Variants in BANP observed in about 807,000 individuals in gnomAD.
BANP encodes the protein BTG3 associated nuclear protein, also known as protein BANP.
In BANP, 11 loss-of-function variants were observed where a neutral mutation model predicts 68.1. That is an observed-to-expected ratio of 0.16 (90% CI 0.10 to 0.27). The LOEUF is 0.27. BANP is among the 10% of genes least tolerant of loss of function. The pLI is 1.00. For missense variants in BANP, 504 were observed against 722.7 expected, an observed-to-expected ratio of 0.70 and a Z score of 3.47; for synonymous variants, 329 against 303.2, an observed-to-expected ratio of 1.09 and a Z score of -0.88.
Position 88,004,758 on chromosome 16 carries a change from T to C in BANP, c.479+347T>C, listed in dbSNP as rs2152559870. ...TCCTCACGTCTGTCTGTGCAGAGCG[T>C]GTCAGGCAAACAGACGCCCTCTCCC... is the stretch of plus-strand genomic sequence containing the variant. On this transcript the variant is annotated intron_variant, in intron 5 of 13. Transcript: ENST00000682872. This position sits in a 1 kb window ranked among gnomAD's most constrained non-coding sequence, Gnocchi z 7.0. Among the ~76,000 whole-genome samples, 1 of 152,356 alleles carries C rather than the reference T, an allele frequency of 6.6e-6. No homozygotes were observed. The highest frequency in any genetic ancestry group is 2.1e-4 in the South Asian group (1 of 4,822).
Position 88,003,733 on chromosome 16 carries a change from T to C in BANP, c.363-562T>C, listed in dbSNP as rs576413151. 180 of 336,934 alleles carry C rather than the reference T, an allele frequency of 5.3e-4. 4 individuals carry two copies. Among genetic ancestry groups the C allele is most frequent in the South Asian group, 4.2e-3 (179 of 43,074 alleles). The allele number at this position is 336,934 out of a possible 1,614,324, so 20.9% of individuals were successfully genotyped here. A position where few individuals can be genotyped will look rare whatever the true frequency, so the allele number is the denominator to read the frequency against. ...GAGCCCTTTGGTTGTAGCTCACACA[T>C]GTTCCTGCAGGACCTGGAGGCAGCA... On this transcript the variant is annotated intron_variant, in intron 4 of 13. Transcript: ENST00000682872. The surrounding 1 kb of genome is among the most constrained non-coding windows in gnomAD (Gnocchi z 6.1).
intron 6 of BANP, among the ~76,000 whole-genome samples, chr16:88,010,990 T>G (rs573282897): frequency 6.6e-6 from 1 of 152,378 alleles, no homozygotes; most frequent in South Asian, 2.1e-4. Flanking sequence ...AGGAAACATT[T>G]TTTCATGGCA....
intron 1 of BANP, among the ~76,000 whole-genome samples, chr16:87,962,940 T>A (rs1017900709): frequency 6.6e-6 from 1 of 152,250 alleles, no homozygotes; most frequent in Non-Finnish European, 1.5e-5. Flanking sequence ...TCATCCTGCC[T>A]TTCTCATTAT....
At chr16:88,005,775 A>C (rs1406961659) in intron 5 of BANP, among the ~76,000 whole-genome samples, 2 of 152,260 alleles carry the variant, frequency 1.3e-5, no homozygotes, top group Admixed American at 1.3e-4. Context: ...GACTCTTACC[A>C]GCATTTTATG....
chr16:87,990,966 GT>G (rs2065759661), intron 4 of BANP, among the ~76,000 whole-genome samples: 1 of 152,166 alleles, frequency 6.6e-6, no homozygotes, highest in Admixed American at 6.5e-5. Flanking sequence ...GTTTCACCGT[GT>G]TAGCCAGGAT....
intron 6 of BANP, 78 bp downstream of exon 6, chr16:88,006,343 T>C (rs1389266913): frequency 4.7e-6 from 7 of 1,500,022 alleles, no homozygotes; most frequent in Non-Finnish European, 6.2e-6. Flanking sequence ...AATTTTGTTG[T>C]TTTTTAAAGA....
At chr16:88,035,965 G>T (rs777092097) in intron 10 of BANP, among the ~76,000 whole-genome samples, 1 of 152,244 alleles carries the variant, frequency 6.6e-6, no homozygotes, top group Non-Finnish European at 1.5e-5. Flanking sequence ...AGAAGTGCGG[G>T]CTCAGCTGCT....
chr16:87,972,796 C>A (rs1395765458), intron 1 of BANP, among the ~76,000 whole-genome samples: 15 of 152,190 alleles, frequency 9.9e-5, no homozygotes, highest in Non-Finnish European at 1.6e-4. Flanking sequence ...ATTTTGTGTT[C>A]AGTTCCAAGC....
At chr16:87,999,413 TCCAGACAC>T (rs2068456437) in intron 4 of BANP, among the ~76,000 whole-genome samples, 7 of 103,842 alleles carry the variant, frequency 6.7e-5, no homozygotes, top group Admixed American at 9.2e-5. Context: ...TACCTGTCCT[TCCAGACAC>T]CCAGACACGT....
Position 88,071,754 on chromosome 16 carries a change from T to G in BANP, c.1378-315T>G. On this transcript the variant is annotated intron_variant, in intron 12 of 13. Transcript: ENST00000682872. The surrounding 1 kb of genome is among the most constrained non-coding windows in gnomAD (Gnocchi z 6.5). ...TTCCAGGAGGCTCTGTGGCATTTGCTGTTGCTCTCTTTTTCTGTGGAAGCT... is the reference window on the plus strand; with the variant it reads ...TTCCAGGAGGCTCTGTGGCATTTGCGGTTGCTCTCTTTTTCTGTGGAAGCT... 1 of 595,560 alleles carries G rather than the reference T, an allele frequency of 1.7e-6. No homozygotes were observed. Among genetic ancestry groups the G allele is most frequent in the Non-Finnish European group, 3.2e-6 (1 of 316,734 alleles). The allele number at this position is 595,560 out of a possible 1,614,324, so 36.9% of individuals were successfully genotyped here.
chr16:87,980,828 T>G, intron 2 of BANP: 1 of 546,230 alleles, frequency 1.8e-6, no homozygotes, highest in African/African-American at 1.9e-5. Context: ...GCACATTAAT[T>G]GCCCAGTGTC....
At chr16:88,065,152 C>T in intron 11 of BANP, 115 bp from the exon 12 acceptor site, 1 of 589,436 alleles carries the variant, frequency 1.7e-6, no homozygotes, top group South Asian at 2.0e-5. Context: ...GACCACAGAC[C>T]CCGTGGCTTT....
At chr16:88,044,124 T>C (rs1830949076) in intron 11 of BANP, among the ~76,000 whole-genome samples, 1 of 152,248 alleles carries the variant, frequency 6.6e-6, no homozygotes, top group Admixed American at 6.5e-5. Flanking sequence ...GCCAGTGCTG[T>C]GTGACCTGGG....
chr16:88,018,798 C>T lies in BANP; in HGVS notation c.895+131C>T. On this transcript the variant is annotated intron_variant, in intron 7 of 13. Transcript: ENST00000682872. This position sits in a 1 kb window ranked among gnomAD's most constrained non-coding sequence, Gnocchi z 7.7. Reference sequence around the variant, plus strand: ...CGTTTCTCCAGGCGGTTTGAAATCTCAGCCCGAGGATCAGTGCTCGAGGGG... The same window carrying T: ...CGTTTCTCCAGGCGGTTTGAAATCTTAGCCCGAGGATCAGTGCTCGAGGGG... 1 of 1,233,840 alleles carries T rather than the reference C, an allele frequency of 8.1e-7. No homozygotes were observed. Among genetic ancestry groups the T allele is most frequent in the South Asian group, 1.6e-5 (1 of 64,142 alleles). 76.4% of individuals were successfully genotyped at this position (1,233,840 alleles called of 1,614,324 possible).
chr16:87,982,628 C>G (rs917217319), intron 3 of BANP: 4 of 152,220 alleles, frequency 2.6e-5, no homozygotes, highest in African/African-American at 4.8e-5. Context: ...CTCTCTCACA[C>G]GCGCCTTCAA....
At chr16:87,977,996 C>T (rs561270728) in intron 2 of BANP, among the ~76,000 whole-genome samples, 136 of 152,208 alleles carry the variant, frequency 8.9e-4, no homozygotes, top group African/African-American at 3.0e-3. Context: ...CCACCATGCC[C>T]GGCTAATTTT....
chr16:88,025,772 A>G (rs1262109505), intron 7 of BANP, among the ~76,000 whole-genome samples: 1 of 152,228 alleles, frequency 6.6e-6, no homozygotes, highest in East Asian at 1.9e-4. Flanking sequence ...CTCAATGGGA[A>G]CAGATTTTTA....
intron 11 of BANP, among the ~76,000 whole-genome samples, chr16:88,056,193 G>A (rs1309852833): frequency 1.3e-5 from 2 of 152,244 alleles, no homozygotes; most frequent in Non-Finnish European, 2.9e-5. Context: ...GCAGCAGAGT[G>A]TTCTGAGAGT....
chr16:88,026,460 G>C (rs895292957), intron 7 of BANP, among the ~76,000 whole-genome samples: 36 of 152,202 alleles, frequency 2.4e-4, no homozygotes, highest in Non-Finnish European at 4.4e-5. Flanking sequence ...GAATGTTCTG[G>C]GTGCCTGACC....
Sources: gnomAD v4.1 joint callset for allele counts (sites outside exome capture counted in the v4.1 genomes callset) on GRCh38, gnomAD v4.1.1 for gene constraint, Gnocchi (gnomAD v3.1) non-coding constraint, MANE v1.5 for transcripts, NCBI Gene and HGNC (gene_info 2026-07-23, HGNC 2026-07-21) for gene names.